CYP3A4: variants seen among roughly 807,000 people sequenced by gnomAD.
CYP3A4 encodes the protein cytochrome P450 3A4.
In CYP3A4, 41 loss-of-function variants were observed where a neutral mutation model predicts 54.9. The observed-to-expected ratio is 0.75, with a 90% CI of 0.58 to 0.97. CYP3A4 has a LOEUF of 0.97. Ranked by LOEUF, CYP3A4 falls within the 50% of genes least tolerant of loss-of-function variation. The pLI, the probability that CYP3A4 is intolerant of heterozygous loss-of-function variation, is 0.00. For missense variants in CYP3A4, 510 were observed against 597.3 expected, an observed-to-expected ratio of 0.85 and a Z score of 1.52; for synonymous variants, 179 against 205.2, an observed-to-expected ratio of 0.87 and a Z score of 1.09.
chr7:99,769,928 C>G, intron 5 of CYP3A4, 72 bp from the exon 6 acceptor site: 1 of 1,603,452 alleles, frequency 6.2e-7, no homozygotes, highest in Non-Finnish European at 8.5e-7. Context: ...TGGCTTTCCC[C>G]AGCATGGAGC....
intron 6 of CYP3A4, among the ~76,000 whole-genome samples, chr7:99,768,835 C>A (rs1368389093): frequency 6.6e-6 from 1 of 152,202 alleles, no homozygotes; most frequent in Non-Finnish European, 1.5e-5. Context: ...AAGCACTGTG[C>A]TTCAGCAGAA....
At chr7:99,769,293 A>T (rs115236342) in intron 6 of CYP3A4, among the ~76,000 whole-genome samples, 1,753 of 152,266 alleles carry the variant, frequency 0.012, 40 homozygotes, top group African/African-American at 0.04. Flanking sequence ...GAGGAAAAAG[A>T]AATGGTAGGA....
At chr7:99,774,301 T>C (rs1201182759) in intron 3 of CYP3A4, among the ~76,000 whole-genome samples, 1 of 152,002 alleles carries the variant, frequency 6.6e-6, no homozygotes, top group Admixed American at 6.6e-5. Flanking sequence ...GAAATTTTTC[T>C]GAACAATAGA....
rs766473447 is a variant in CYP3A4 at position 99,772,668 on chromosome 7, A to G, written c.240T>C (p.Pro80=). The change falls in exon 4 of 13, where the codon CCT becomes CCC. Residue 80 remains proline, a synonymous_variant. Coordinates refer to ENST00000651514, the MANE Select transcript of CYP3A4 (RefSeq NM_017460.6). ...KVWGFYDGQQ[P]VLAITDPDMI... The stretch of plus-strand genomic sequence containing the variant: ...TGTCAGGATCTGTGATAGCCAGCAC[A>G]GGCTGTTGACCATCATAAAAGCTGT... 2 of 1,613,408 alleles carry G rather than the reference A, an allele frequency of 1.2e-6. No homozygotes were observed. Among genetic ancestry groups the G allele is most frequent in the Admixed American group, 3.3e-5 (2 of 59,986 alleles).
At chr7:99,777,037 A>T (rs1304597505) in intron 3 of CYP3A4, among the ~76,000 whole-genome samples, 1 of 152,170 alleles carries the variant, frequency 6.6e-6, no homozygotes, top group East Asian at 1.9e-4. Context: ...AGATAAAATT[A>T]AAAAACAACA....
intron 3 of CYP3A4, 127 bp downstream of exon 3, chr7:99,777,897 TTCTC>T (rs1178690756): frequency 1.3e-6 from 1 of 748,282 alleles, no homozygotes; most frequent in Non-Finnish European, 2.4e-6. Context: ...TTCAGAGAAC[TTCTC>T]TCTGTTTGTA....
At chr7:99,760,367 G>A (rs1024108973) in intron 12 of CYP3A4, among the ~76,000 whole-genome samples, 5 of 152,160 alleles carry the variant, frequency 3.3e-5, no homozygotes, top group South Asian at 2.1e-4. Flanking sequence ...TGATATCCCA[G>A]ACATCATGAA....
intron 9 of CYP3A4, among the ~76,000 whole-genome samples, 191 bp downstream of exon 9, chr7:99,766,186 C>T (rs1815472036): frequency 6.6e-6 from 1 of 152,090 alleles, no homozygotes; most frequent in Non-Finnish European, 1.5e-5. Flanking sequence ...GCCCTTTACT[C>T]TTAGAACATG....
Position 99,758,012 on chromosome 7 carries a change from A to T in CYP3A4, c.*121T>A. On this transcript the variant is annotated 3_prime_UTR_variant, in exon 13 of 13. Coordinates refer to ENST00000651514, the MANE Select transcript of CYP3A4 (RefSeq NM_017460.6). ...GCATGTACAGAATCCCCGGTTATTT[A>T]TGCAGTCCATTGGATGAAGCCCATC... is the stretch of plus-strand genomic sequence containing the variant. 1.3e-6 allele frequency: 1 copy of T among 777,614 alleles called. No homozygotes were observed. The highest frequency in any genetic ancestry group is 1.5e-5 in the South Asian group (1 of 65,278). The allele number at this position is 777,614 out of a possible 1,614,324, so 48.2% of individuals were successfully genotyped here.
chr7:99,773,237 A>T (rs1815679541), intron 3 of CYP3A4, among the ~76,000 whole-genome samples: 1 of 152,226 alleles, frequency 6.6e-6, no homozygotes, highest in Non-Finnish European at 1.5e-5. Flanking sequence ...ATTTCCACAC[A>T]ATAATAATGG....
intron 12 of CYP3A4, 53 bp from the exon 13 acceptor site, chr7:99,758,281 A>C: frequency 6.3e-7 from 1 of 1,581,050 alleles, no homozygotes; most frequent in Non-Finnish European, 8.7e-7. Flanking sequence ...AAAAGTAGAA[A>C]GTATAGCATC....
At chr7:99,763,809 C>G (rs751119887) in intron 10 of CYP3A4, 46 bp downstream of exon 10, 149 of 1,607,294 alleles carry the variant, frequency 9.3e-5, no homozygotes, top group Non-Finnish European at 1.2e-4. Flanking sequence ...GGCATTTTTG[C>G]TAAGGTTTCA....
chr7:99,766,342 G>A (rs1463093059), intron 9 of CYP3A4, 35 bp downstream of exon 9: 13 of 1,609,148 alleles, frequency 8.1e-6, no homozygotes, highest in Non-Finnish European at 1.1e-5. Flanking sequence ...CCCTCTGAGT[G>A]CCCCACAAGT....
chr7:99,763,735 T>C (rs1272938006), intron 10 of CYP3A4, 120 bp downstream of exon 10: 14 of 1,328,272 alleles, frequency 1.1e-5, no homozygotes, highest in Middle Eastern at 4.9e-4. Flanking sequence ...CCTTCCTACA[T>C]AGAGTCAGTG....
At chr7:99,779,562 G>A (rs1380041110) in intron 2 of CYP3A4, among the ~76,000 whole-genome samples, 1 of 152,114 alleles carries the variant, frequency 6.6e-6, no homozygotes, top group Admixed American at 6.5e-5. Flanking sequence ...AGGGAAAAAA[G>A]GCTACTCAAG....
At chr7:99,774,418 A>T (rs2687107) in intron 3 of CYP3A4, among the ~76,000 whole-genome samples, 137,445 of 152,208 alleles carry the variant, frequency 0.9, 63,683 homozygotes, top group East Asian at 1. Context: ...ATATCCCTAA[A>T]GAATATCGAT....
In CYP3A4 at chr7:99,763,983, T is replaced by C. The variant is rs201286895; in HGVS notation, c.898A>G (p.Ile300Val). The C allele has an allele frequency of 3.7e-6, 6 of 1,613,900 alleles. No homozygotes were observed. Among genetic ancestry groups the C allele is most frequent in the East Asian group, 4.5e-5 (2 of 44,856 alleles). Reference protein sequence around the residue: ...LSDLELVAQSIIFIFAGYETT... With the variant: ...LSDLELVAQSVIFIFAGYETT... ...TCATAGCCAGCAAAAATAAAGATAA[T>C]TGATTGGGCCACGAGCTCCAGATCG... is the stretch of plus-strand genomic sequence containing the variant. Residue 300 changes from isoleucine to valine, a missense_variant, in exon 10 of 13, where the codon ATT becomes GTT. Physicochemically the swap from Ile to Val is conservative, Grantham distance 29. Around this residue, in one of 2 missense-constraint regions of CYP3A4, gnomAD observed 238 missense variants for 322.5 expected, o/e 0.74. Transcript: ENST00000651514.
intron 12 of CYP3A4, 69 bp downstream of exon 12, chr7:99,760,750 T>A: frequency 1.3e-6 from 2 of 1,558,840 alleles, no homozygotes; most frequent in Non-Finnish European, 1.7e-6. Flanking sequence ...ATATTCTTTT[T>A]AAAAAATACA....
intron 8 of CYP3A4, chr7:99,766,884 C>G (rs951770716): frequency 1.0e-5 from 4 of 385,892 alleles, no homozygotes; most frequent in African/African-American, 8.3e-5. Context: ...AAATTTATGC[C>G]GTGGCATACT....
Sources: gnomAD v4.1 joint callset for allele counts (sites outside exome capture counted in the v4.1 genomes callset) on GRCh38, gnomAD v4.1.1 for gene constraint, gnomAD v4.1.1 regional missense constraint, MANE v1.5 for transcripts, NCBI Gene and HGNC (gene_info 2026-07-23, HGNC 2026-07-21) for gene names.